The following FIP1L1 variants were observed in gnomAD, a reference collection of about 807,000 sequenced individuals.
The protein encoded by FIP1L1 is pre-mRNA 3'-end-processing factor FIP1.
A neutral mutation model predicts 84.6 loss-of-function variants in FIP1L1; 21 were observed. The observed-to-expected ratio is 0.25, with a 90% confidence interval of 0.18 to 0.36. The LOEUF is 0.36. Ranked by LOEUF, FIP1L1 falls within the 10% of genes least tolerant of loss-of-function variation. FIP1L1 has a pLI of 1.00. For synonymous variants in FIP1L1, 263 were observed against 242.3 expected (o/e 1.09, Z -0.80); for missense variants, 526 against 751.1 (o/e 0.70, Z 3.50).
In FIP1L1 at chr4:53,390,509, T is replaced by A; in HGVS notation, c.398-12T>A. 1 of 1,577,528 alleles carries A rather than the reference T, an allele frequency of 6.3e-7. No homozygotes were observed. Among genetic ancestry groups the A allele is most frequent in the Non-Finnish European group, 8.7e-7 (1 of 1,151,104 alleles). On this transcript the variant is annotated splice_polypyrimidine_tract_variant and intron_variant, in intron 6 of 17. Coordinates refer to ENST00000337488, the MANE Select transcript of FIP1L1 (RefSeq NM_030917.4). ...AAGTATAGCTCCTTCATTTTGTAAT[T>A]TTATAAAACAGGGACAAAAGTCAAA...
At chr4:53,378,972 T>A in intron 1 of FIP1L1, 101 bp from the exon 2 acceptor site, 1 of 1,172,366 alleles carries the variant, frequency 8.5e-7, no homozygotes, top group Non-Finnish European at 1.2e-6. Context: ...CCTCTTAAAT[T>A]TAAGCTTATT....
intron 3 of FIP1L1, among the ~76,000 whole-genome samples, chr4:53,381,627 T>A (rs1737922979): frequency 1.3e-5 from 2 of 152,122 alleles, no homozygotes; most frequent in South Asian, 4.1e-4. Flanking sequence ...ACTGTAAAGA[T>A]CAAATTGATT....
At chr4:53,402,930 G>T (rs1234254477) in intron 10 of FIP1L1, among the ~76,000 whole-genome samples, 1 of 152,150 alleles carries the variant, frequency 6.6e-6, no homozygotes, top group African/African-American at 2.4e-5. Context: ...TGGGTAGGTG[G>T]ATAATGGAAT....
At chr4:53,403,121 A>G (rs1260681005) in intron 10 of FIP1L1, among the ~76,000 whole-genome samples, 1 of 152,164 alleles carries the variant, frequency 6.6e-6, no homozygotes. Flanking sequence ...ACTAGGTGAA[A>G]GGAGTAGCTG....
At chr4:53,386,037 A>AT (rs1163195461) in intron 5 of FIP1L1, among the ~76,000 whole-genome samples, 17,993 of 139,356 alleles carry the variant, frequency 0.13, 2,027 homozygotes, top group South Asian at 0.29. Flanking sequence ...ACAAAATAGC[A>AT]TTTTTTTTTT....
chr4:53,459,255 T>C lies in FIP1L1; in HGVS notation c.1638-47T>C, dbSNP rs541008477. 2.9e-4 allele frequency: 401 copies of C among 1,362,952 alleles called. 2 individuals are homozygous for C. In the South Asian group the frequency reaches 5.3e-3, roughly 18 times the overall value. The allele number at this position is 1,362,952 out of a possible 1,614,324, so 84.4% of individuals were successfully genotyped here. A position where few individuals can be genotyped will look rare whatever the true frequency, so the allele number is the denominator to read the frequency against. On this transcript the variant is annotated intron_variant, in intron 17 of 17. Coordinates refer to ENST00000337488, the MANE Select transcript of FIP1L1 (RefSeq NM_030917.4). ...GAGTGATTGGATTTTTGTCACTGAT[T>C]GTGTATTTAAACAGAACACACCTTT...
intron 17 of FIP1L1, 24 bp from the exon 18 acceptor site, chr4:53,459,277 CT>C (rs3067115): frequency 0.14 from 135,682 of 959,084 alleles, 782 homozygotes; most frequent in East Asian, 0.17. Flanking sequence ...CAGAACACAC[CT>C]TTTTTTTTTT....
intron 13 of FIP1L1, among the ~76,000 whole-genome samples, chr4:53,433,423 G>T (rs1365744924): frequency 6.6e-6 from 1 of 152,052 alleles, no homozygotes; most frequent in Non-Finnish European, 1.5e-5. Flanking sequence ...TAAAATAATA[G>T]AATTTAATTA....
Position 53,442,544 on chromosome 4 carries a change from A to G in FIP1L1, c.1175-109A>G, listed in dbSNP as rs1772410964. On this transcript the variant is annotated intron_variant, in intron 13 of 17. Coordinates refer to ENST00000337488, the MANE Select transcript of FIP1L1 (RefSeq NM_030917.4). ...TCTGTCCATTATTACAACATAGAGA[A>G]GCACATTCATATCCCCAGAGAAATT... 8.4e-6 allele frequency: 6 copies of G among 718,484 alleles called. No individual in the cohort carries two copies. The East Asian group carries it at 1.5e-4, about 18-fold the overall frequency. The allele number at this position is 718,484 out of a possible 1,614,324, so 44.5% of individuals were successfully genotyped here.
At chr4:53,451,297 G>T (rs553487077) in intron 15 of FIP1L1, among the ~76,000 whole-genome samples, 10 of 150,408 alleles carry the variant, frequency 6.6e-5, no homozygotes, top group African/African-American at 2.4e-4. Flanking sequence ...TCGATCGGGG[G>T]TTGTTTTTTT....
At chr4:53,409,691 A>G (rs992906618) in intron 10 of FIP1L1, among the ~76,000 whole-genome samples, 14 of 152,354 alleles carry the variant, frequency 9.2e-5, no homozygotes, top group African/African-American at 3.1e-4. Flanking sequence ...AGCCTGGGCA[A>G]TGGCGGGCGC....
intron 5 of FIP1L1, among the ~76,000 whole-genome samples, chr4:53,386,825 C>T (rs1322106919): frequency 6.6e-6 from 1 of 152,062 alleles, no homozygotes; most frequent in African/African-American, 2.4e-5. Flanking sequence ...TGTTGTTGTT[C>T]TGTTTTGCTT....
At chr4:53,432,398 CAAAAAAAAAA>C (rs35596754) in intron 13 of FIP1L1, among the ~76,000 whole-genome samples, 3 of 68,404 alleles carry the variant, frequency 4.4e-5, no homozygotes, top group South Asian at 8.1e-4. Flanking sequence ...AACTCCATCT[CAAAAAAAAAA>C]AAAAAAAAAA....
At position 53,460,583 on chromosome 4, in the gene FIP1L1, A is replaced by AAAT. The variant is rs1721803143; in HGVS notation, c.*1135_*1137dup. Reference sequence around the variant, plus strand: ...CCCTTGGCAGACTTCAGCATATACCAAATTTTAAATTTAAATCAGCTTGAA... The same window carrying AAAT: ...CCCTTGGCAGACTTCAGCATATACCAAATAATTTTAAATTTAAATCAGCTTGAA... On this transcript the variant is annotated 3_prime_UTR_variant, in exon 18 of 18. Transcript: ENST00000337488. 4.1e-6 allele frequency: 1 copy of AAAT among 245,472 alleles called. No homozygotes were observed. Among genetic ancestry groups the AAAT allele is most frequent in the African/African-American group, 2.2e-5 (1 of 44,718 alleles). 15.2% of individuals were successfully genotyped at this position (245,472 alleles called of 1,614,324 possible).
chr4:53,458,212 A>G (rs2412487), intron 16 of FIP1L1, among the ~76,000 whole-genome samples: 19,786 of 152,120 alleles, frequency 0.13, 2,568 homozygotes, highest in African/African-American at 0.32. Context: ...GTATTTTTAT[A>G]ATGTTAAACG....
intron 11 of FIP1L1, among the ~76,000 whole-genome samples, chr4:53,423,694 G>A (rs757145126): frequency 1.4e-4 from 21 of 152,130 alleles, no homozygotes; most frequent in Non-Finnish European, 3.1e-4. Flanking sequence ...ACAAGGAGAT[G>A]TTTTGAAAAT....
intron 13 of FIP1L1, among the ~76,000 whole-genome samples, chr4:53,434,612 C>G (rs1768256748): frequency 6.6e-6 from 1 of 152,012 alleles, no homozygotes; most frequent in South Asian, 2.1e-4. Flanking sequence ...GCTGGGATTA[C>G]CAGCATGTAC....
intron 10 of FIP1L1, among the ~76,000 whole-genome samples, chr4:53,409,160 C>G (rs1488947853): frequency 6.6e-6 from 1 of 152,132 alleles, no homozygotes. Flanking sequence ...TGGTGATGTA[C>G]AGATGGGTTT....
intron 11 of FIP1L1, among the ~76,000 whole-genome samples, chr4:53,420,197 CAAAAAAAAAA>C (rs1166566869): frequency 2.3e-3 from 40 of 17,544 alleles, no homozygotes; most frequent in Non-Finnish European, 2.7e-3. Context: ...GACTCCGTCT[CAAAAAAAAAA>C]AAAAAAAAAA....
Sources: gnomAD v4.1 joint callset for allele counts (sites outside exome capture counted in the v4.1 genomes callset) on GRCh38, gnomAD v4.1.1 for gene constraint, MANE v1.5 for transcripts, NCBI Gene and HGNC (gene_info 2026-07-23, HGNC 2026-07-21) for gene names.